The following TGFBRAP1 variants were observed in gnomAD, a reference collection of about 807,000 sequenced individuals.
TGFBRAP1 encodes transforming growth factor beta receptor associated protein 1.
Under a neutral mutation model 83.2 loss-of-function variants are expected in TGFBRAP1, and 20 were observed. The ratio of observed to expected loss-of-function variants is 0.24; its 90% confidence interval spans 0.17 to 0.35. The LOEUF (loss-of-function observed/expected upper bound fraction) is 0.35. Ranked by LOEUF, TGFBRAP1 falls within the 10% of genes least tolerant of loss-of-function variation. TGFBRAP1 has a pLI of 1.00. For missense variants in TGFBRAP1, 950 were observed against 1,099.4 expected (o/e 0.86, Z 1.92); for synonymous variants, 415 against 459.8 (o/e 0.90, Z 1.25).
downstream of TGFBRAP1, among the ~76,000 whole-genome samples, chr2:105,263,499 T>C (rs1326067895): frequency 2.0e-5 from 3 of 152,060 alleles, no homozygotes; most frequent in African/African-American, 7.2e-5. Context: ...TTCTTCAAAT[T>C]CAAGTATGCG....
the TGFBRAP1 span, among the ~76,000 whole-genome samples, chr2:105,252,025 C>T: frequency 2.7e-5 from 4 of 150,418 alleles, no homozygotes; most frequent in Non-Finnish European, 5.9e-5. Context: ...GCAGGGTCCT[C>T]TGCCTAGGAA....
At chr2:105,292,175 A>G (rs558675051) in intron 4 of TGFBRAP1, among the ~76,000 whole-genome samples, 1 of 152,212 alleles carries the variant, frequency 6.6e-6, no homozygotes, top group Non-Finnish European at 1.5e-5. Flanking sequence ...AGAAAATTCA[A>G]TGGTGAGCAT....
chr2:105,315,750 G>A (rs1678835610), intron 1 of TGFBRAP1, among the ~76,000 whole-genome samples: 1 of 152,150 alleles, frequency 6.6e-6, no homozygotes, highest in African/African-American at 2.4e-5. Context: ...ATACGTTGCT[G>A]GAAGGAGTTT....
rs1323669982 is a variant in TGFBRAP1, at chr2:105,307,749, T to A, written c.553A>T (p.Thr185Ser). ...TAATTGTGGATGATGTACTGAGTGG[T>A]CAGAGCCAGACACAGGAAGTGGCCG... Reference protein sequence around the residue: ...VDGHFLCLALTTQYIIHNYST... With the variant: ...VDGHFLCLALSTQYIIHNYST... The change falls in exon 2 of 12, where the codon ACC (threonine) becomes TCC (serine). Residue 185 changes from threonine to serine, a missense_variant. By Grantham distance (58) the Thr-to-Ser change is moderately conservative (BLOSUM62 1). Transcript: ENST00000393359. 6.2e-7 allele frequency: 1 copy of A among 1,613,954 alleles called. No homozygotes were observed. The highest frequency in any genetic ancestry group is 1.3e-5 in the African/African-American group (1 of 74,876).
intron 1 of TGFBRAP1, among the ~76,000 whole-genome samples, chr2:105,324,611 T>A (rs1436230527): frequency 6.6e-6 from 1 of 152,200 alleles, no homozygotes; most frequent in Non-Finnish European, 1.5e-5. Context: ...TTAAAAGTTT[T>A]TTTTTCCTTC....
chr2:105,285,102 A>C (rs1677670988), intron 4 of TGFBRAP1, among the ~76,000 whole-genome samples: 1 of 152,222 alleles, frequency 6.6e-6, no homozygotes, highest in South Asian at 2.1e-4. Context: ...GCCATTGTCT[A>C]TATGAAATGG....
At chr2:105,315,710 T>C (rs1678834297) in intron 1 of TGFBRAP1, among the ~76,000 whole-genome samples, 1 of 152,170 alleles carries the variant, frequency 6.6e-6, no homozygotes, top group Non-Finnish European at 1.5e-5. Flanking sequence ...CACCAAATGT[T>C]AATGAGGATG....
At chr2:105,296,134 TCTC>T (rs1678080068) in intron 4 of TGFBRAP1, among the ~76,000 whole-genome samples, 1 of 152,188 alleles carries the variant, frequency 6.6e-6, no homozygotes, top group Non-Finnish European at 1.5e-5. Context: ...AAGCCTGACT[TCTC>T]CACTCTTGGC....
chr2:105,328,809 T>C (rs764601725), intron 1 of TGFBRAP1, among the ~76,000 whole-genome samples: 6 of 152,228 alleles, frequency 3.9e-5, no homozygotes, highest in Non-Finnish European at 7.3e-5. Flanking sequence ...AGCCCCCATT[T>C]TTAGCAGCCA....
Position 105,272,864 on chromosome 2 carries a change from A to G in TGFBRAP1, c.1963T>C (p.Phe655Leu). ...CTGAGATCATCCTCACCGAGAAGAA[A>G]GTGGACTCGGTATAAATCAGATTTC... ...LQKSDLYRVH[F>L]LLERLQGAGL... Residue 655 changes from phenylalanine (F) to leucine (L), a missense_variant, in exon 10 of 12, where the codon TTT becomes CTT. Physicochemically the swap from Phe to Leu is conservative, Grantham distance 22. Coordinates refer to ENST00000393359, the MANE Select transcript of TGFBRAP1 (RefSeq NM_004257.6). 1.2e-6 allele frequency: 2 copies of G among 1,607,398 alleles called. No individual in the cohort carries two copies. The highest frequency in any genetic ancestry group is 1.1e-5 in the South Asian group (1 of 91,006).
downstream of TGFBRAP1, among the ~76,000 whole-genome samples, chr2:105,262,209 T>C (rs1481626852): frequency 2.0e-5 from 3 of 152,172 alleles, no homozygotes; most frequent in Non-Finnish European, 2.9e-5. Flanking sequence ...AATCTCATGC[T>C]GAAATTAACC....
chr2:105,271,334 A>G (rs1292394083), intron 10 of TGFBRAP1, among the ~76,000 whole-genome samples: 1 of 152,202 alleles, frequency 6.6e-6, no homozygotes, highest in African/African-American at 2.4e-5. Flanking sequence ...CTGGCCTGAG[A>G]GTTTTATAAG....
chr2:105,293,091 G>T (rs1217013551), intron 4 of TGFBRAP1, among the ~76,000 whole-genome samples: 1 of 152,112 alleles, frequency 6.6e-6, no homozygotes, highest in Non-Finnish European at 1.5e-5. Context: ...GTGCTGATAT[G>T]GGGGAATGAC....
chr2:105,258,963 G>A, the TGFBRAP1 span, among the ~76,000 whole-genome samples: 5 of 152,208 alleles, frequency 3.3e-5, no homozygotes, highest in African/African-American at 1.2e-4. Flanking sequence ...GGCGCAAATC[G>A]AGCACAGATG....
chr2:105,311,142 CTGT>C (rs1678674678), intron 1 of TGFBRAP1, among the ~76,000 whole-genome samples: 1 of 135,204 alleles, frequency 7.4e-6, no homozygotes, highest in Admixed American at 7.9e-5. Flanking sequence ...GGAGAGAGAG[CTGT>C]AAAAAAAAAA....
chr2:105,282,987 C>G (rs1395082741), intron 5 of TGFBRAP1, among the ~76,000 whole-genome samples: 1 of 152,170 alleles, frequency 6.6e-6, no homozygotes, highest in Non-Finnish European at 1.5e-5. Context: ...TCCGAGGACT[C>G]TTCTAGGAAT....
At chr2:105,306,063 TTTTTG>T (rs1558648257) in intron 2 of TGFBRAP1, among the ~76,000 whole-genome samples, 4 of 97,992 alleles carry the variant, frequency 4.1e-5, no homozygotes, top group African/African-American at 7.5e-5. Flanking sequence ...TGTTTTTTGT[TTTTTG>T]TTTTTTTTTT....
intron 4 of TGFBRAP1, among the ~76,000 whole-genome samples, chr2:105,290,591 G>A (rs552399708): frequency 2.0e-5 from 3 of 150,498 alleles, no homozygotes; most frequent in African/African-American, 7.4e-5. Context: ...GAGAGAAAGA[G>A]AGAGAAAGAG....
At chr2:105,324,437 G>T (rs1462728891) in intron 1 of TGFBRAP1, among the ~76,000 whole-genome samples, 1 of 152,090 alleles carries the variant, frequency 6.6e-6, no homozygotes, top group Non-Finnish European at 1.5e-5. Flanking sequence ...CTGTGTCAGT[G>T]ACTAAAAAGG....
Sources: allele counts gnomAD v4.1 joint callset (sites outside exome capture counted in the v4.1 genomes callset), GRCh38; gene constraint gnomAD v4.1.1; transcripts MANE v1.5; gene names NCBI Gene and HGNC (gene_info 2026-07-23, HGNC 2026-07-21).